B4GALT6: variants seen among roughly 807,000 people sequenced by gnomAD.
B4GALT6 encodes beta-1,4-galactosyltransferase 6, also known as UDP-Gal:beta-GlcNAc beta-1,4-galactosyltransferase 6.
A neutral mutation model predicts 46.3 loss-of-function variants in B4GALT6; 14 were observed. The ratio of observed to expected loss-of-function variants is 0.30; its 90% confidence interval spans 0.20 to 0.47. The LOEUF (loss-of-function observed/expected upper bound fraction) is 0.47, where lower values mean the gene tolerates loss of function less well. Among genes scored for constraint, B4GALT6 ranks in the 20% least tolerant of loss-of-function variants. The probability of loss-of-function intolerance (pLI) is 0.99; values close to 1 mark genes in which losing one functional copy is unlikely to be tolerated. For missense variants in B4GALT6, 386 were observed against 480.1 expected (o/e 0.80, Z 1.83); for synonymous variants, 168 against 162.0 (o/e 1.04, Z -0.28).
chr18:31,659,949 C>CTTTTTTTT (rs35690268), intron 2 of B4GALT6, among the ~76,000 whole-genome samples: 1 of 122,720 alleles, frequency 8.1e-6, no homozygotes, highest in Non-Finnish European at 1.7e-5. Flanking sequence ...GATTCTTTTC[C>CTTTTTTTT]TTTTTTTTTT....
intron 5 of B4GALT6, 149 bp from the exon 6 acceptor site, chr18:31,631,295 A>G (rs1462602663): frequency 1.2e-6 from 1 of 809,972 alleles, no homozygotes; most frequent in East Asian, 3.0e-5. Context: ...CTCGTGATCC[A>G]CCCACCTCAG....
At chr18:31,625,988 A>G (rs538251857) in intron 8 of B4GALT6, among the ~76,000 whole-genome samples, 5 of 152,200 alleles carry the variant, frequency 3.3e-5, no homozygotes, top group Admixed American at 6.5e-5. Context: ...ACAATTAGAC[A>G]TCTTTAATAA....
At chr18:31,716,757 A>G in the B4GALT6 span, among the ~76,000 whole-genome samples, 1,904 of 152,260 alleles carry the variant, frequency 0.013, 44 homozygotes, top group African/African-American at 0.043. Context: ...CACATCCACA[A>G]TTACATGGGG....
chr18:31,709,020 T>C, the B4GALT6 span, among the ~76,000 whole-genome samples: 1 of 152,196 alleles, frequency 6.6e-6, no homozygotes, highest in Admixed American at 6.5e-5. Flanking sequence ...CACTAGACTT[T>C]AGTGCTGTCT....
chr18:31,668,327 G>A (rs899558510), intron 1 of B4GALT6, among the ~76,000 whole-genome samples: 6 of 152,102 alleles, frequency 3.9e-5, no homozygotes, highest in South Asian at 2.1e-4. Flanking sequence ...GGGACAAAGC[G>A]GGGCAGAAGT....
chr18:31,632,464 C>T (rs1023941833), intron 5 of B4GALT6, among the ~76,000 whole-genome samples: 8 of 152,214 alleles, frequency 5.3e-5, no homozygotes, highest in African/African-American at 1.9e-4. Context: ...ATATCTAATC[C>T]ATCTCCATCC....
the B4GALT6 span, among the ~76,000 whole-genome samples, chr18:31,721,261 G>A: frequency 6.6e-6 from 1 of 152,074 alleles, no homozygotes; most frequent in South Asian, 2.1e-4. Flanking sequence ...GGTGAAGCAA[G>A]CCAACATGGC....
At chr18:31,688,781 G>C (rs998961166), upstream of B4GALT6, among the ~76,000 whole-genome samples, 2 of 152,190 alleles carry the variant, frequency 1.3e-5, no homozygotes, top group African/African-American at 4.8e-5. Context: ...TACCGGGCCT[G>C]AGGTCACACA....
intron 5 of B4GALT6, among the ~76,000 whole-genome samples, chr18:31,635,464 A>G (rs2144530678): frequency 6.6e-6 from 1 of 152,344 alleles, no homozygotes; most frequent in Non-Finnish European, 1.5e-5. Flanking sequence ...CATAAGGCAC[A>G]AAACTTAAAG....
intron 2 of B4GALT6, among the ~76,000 whole-genome samples, chr18:31,659,559 A>C (rs961636655): frequency 6.6e-6 from 1 of 152,208 alleles, no homozygotes; most frequent in Non-Finnish European, 1.5e-5. Context: ...ATTCCAAAGA[A>C]GTGCTTGGAA....
At chr18:31,630,268 A>AT (rs1372659277) in intron 6 of B4GALT6, among the ~76,000 whole-genome samples, 1 of 151,906 alleles carries the variant, frequency 6.6e-6, no homozygotes, top group Non-Finnish European at 1.5e-5. Flanking sequence ...CAACAAACAG[A>AT]TTTTCTCTCT....
At chr18:31,656,530 ATATT>A (rs2074141958) in intron 3 of B4GALT6, among the ~76,000 whole-genome samples, 1 of 151,978 alleles carries the variant, frequency 6.6e-6, no homozygotes, top group Non-Finnish European at 1.5e-5. Flanking sequence ...AAAAATATAT[ATATT>A]TAAAGTACAG....
At chr18:31,628,617 A>T (rs945078856) in intron 6 of B4GALT6, among the ~76,000 whole-genome samples, 3 of 152,242 alleles carry the variant, frequency 2.0e-5, no homozygotes, top group African/African-American at 7.2e-5. Context: ...TGGGAGAGAC[A>T]CTACACCTGA....
chr18:31,677,181 A>T (rs999637997), intron 1 of B4GALT6, among the ~76,000 whole-genome samples: 1 of 152,236 alleles, frequency 6.6e-6, no homozygotes, highest in Non-Finnish European at 1.5e-5. Context: ...CTGGAGGAAA[A>T]AAAATAAAAC....
chr18:31,680,925 C>A (rs1260573611), intron 1 of B4GALT6, among the ~76,000 whole-genome samples: 1 of 152,148 alleles, frequency 6.6e-6, no homozygotes, highest in Admixed American at 6.5e-5. Flanking sequence ...TTCCCTCTGA[C>A]TAGGATCCCT....
chr18:31,643,104 C>A (rs971468329), intron 4 of B4GALT6, among the ~76,000 whole-genome samples: 3 of 152,018 alleles, frequency 2.0e-5, no homozygotes, highest in African/African-American at 7.2e-5. Flanking sequence ...CAGGCAGGGA[C>A]GGGTAGGGGG....
At chr18:31,639,761 T>C (rs574627798) in intron 4 of B4GALT6, among the ~76,000 whole-genome samples, 3 of 152,294 alleles carry the variant, frequency 2.0e-5, no homozygotes, top group African/African-American at 7.2e-5. Context: ...TTTCTTCTAA[T>C]ATGAAATAAA....
At chr18:31,678,789 T>C (rs542914695) in intron 1 of B4GALT6, among the ~76,000 whole-genome samples, 1 of 152,354 alleles carries the variant, frequency 6.6e-6, no homozygotes, top group South Asian at 2.1e-4. Context: ...AATGCTTCTA[T>C]GCCCAAGTTT....
the B4GALT6 span, among the ~76,000 whole-genome samples, chr18:31,723,950 A>T: frequency 6.7e-6 from 1 of 150,210 alleles, no homozygotes; most frequent in Non-Finnish European, 1.5e-5. Context: ...CGCACCTCCA[A>T]CCCACCCCAC....
Sources: allele counts gnomAD v4.1 joint callset (sites outside exome capture counted in the v4.1 genomes callset), GRCh38; gene constraint gnomAD v4.1.1; transcripts MANE v1.5; gene names NCBI Gene and HGNC (gene_info 2026-07-23, HGNC 2026-07-21).